UGT2A1: variants seen among roughly 807,000 people sequenced by gnomAD.
UGT2A1 encodes the protein UDP glucuronosyltransferase family 2 member A1 complex locus.
In UGT2A1, 61 loss-of-function variants were observed where a neutral mutation model predicts 45.4. That is an observed-to-expected ratio of 1.34 (90% confidence interval 1.09 to 1.66). UGT2A1 has a LOEUF of 1.66. Among genes scored for constraint, UGT2A1 ranks in the 40% most tolerant of loss-of-function variants. The pLI is 0.00. For synonymous variants in UGT2A1, 229 were observed against 196.2 expected, an observed-to-expected ratio of 1.17 and a Z score of -1.40; for missense variants, 649 against 574.3, an observed-to-expected ratio of 1.13 and a Z score of -1.33.
chr4:69,617,847 T>C (rs1247097403), intron 3 of UGT2A1, among the ~76,000 whole-genome samples: 1 of 151,880 alleles, frequency 6.6e-6, no homozygotes, highest in East Asian at 1.9e-4. Context: ...AGGGCAATAA[T>C]TGTCTTATGT....
chr4:69,636,635 T>C (rs1469366159), intron 2 of UGT2A1, among the ~76,000 whole-genome samples: 1 of 152,300 alleles, frequency 6.6e-6, no homozygotes, highest in East Asian at 1.9e-4. Flanking sequence ...GTTTAGTACA[T>C]ACCAGAAACC....
At position 69,606,575 on chromosome 4, in the gene UGT2A1, C is replaced by T. The variant is rs1273312467; in HGVS notation, c.848-7181G>A. On this transcript the variant is annotated intron_variant, in intron 3 of 6. Coordinates refer to ENST00000286604, the MANE Select transcript of UGT2A1 (RefSeq NM_001252275.3). ...ATAGTGTTGGAAGTTCTGGCCAGTG[C>T]AATCAGGCAGGAGAAGGAAATAAAG... Among the ~76,000 whole-genome samples the T allele has an allele frequency of 1.2e-4, 17 of 136,050 alleles. 3 individuals are homozygous for T. Among genetic ancestry groups the T allele is most frequent in the Admixed American group, 1.2e-3 (16 of 13,840 alleles). 89.3% of individuals were successfully genotyped at this position (136,050 alleles called of 152,430 possible).
At chr4:69,642,287 CGGT>C (rs1722080906) in intron 2 of UGT2A1, among the ~76,000 whole-genome samples, 1 of 151,506 alleles carries the variant, frequency 6.6e-6, no homozygotes, top group East Asian at 1.9e-4. Context: ...AATGTAATGC[CGGT>C]GGCTGTCATT....
intron 3 of UGT2A1, among the ~76,000 whole-genome samples, chr4:69,612,090 G>A (rs908674150): frequency 2.6e-5 from 4 of 152,030 alleles, no homozygotes; most frequent in African/African-American, 9.6e-5. Context: ...ACTGACACTA[G>A]CCTCAAAGCC....
chr4:69,603,876 A>T (rs1719448216), intron 3 of UGT2A1, among the ~76,000 whole-genome samples: 1 of 136,462 alleles, frequency 7.3e-6, no homozygotes, highest in East Asian at 2.1e-4. Flanking sequence ...AAAAAAGAAT[A>T]AAAAGAAACG....
intron 2 of UGT2A1, among the ~76,000 whole-genome samples, chr4:69,638,622 C>A (rs1278929049): frequency 1.3e-5 from 2 of 152,084 alleles, no homozygotes; most frequent in Non-Finnish European, 2.9e-5. Context: ...TGGGCACTTT[C>A]ATTTATATTT....
chr4:69,639,584 A>T, intron 2 of UGT2A1: 1 of 1,610,094 alleles, frequency 6.2e-7, no homozygotes, highest in East Asian at 2.2e-5. Flanking sequence ...GAGTCAAATT[A>T]AAAACCAGCA....
At chr4:69,620,894 A>C (rs1247111753) in intron 3 of UGT2A1, among the ~76,000 whole-genome samples, 1 of 152,032 alleles carries the variant, frequency 6.6e-6, no homozygotes, top group Non-Finnish European at 1.5e-5. Context: ...AAAACCAAGC[A>C]ATAAGAAAAG....
intron 5 of UGT2A1, 83 bp downstream of exon 5, chr4:69,595,079 T>C (rs1577944326): frequency 1.3e-6 from 2 of 1,501,310 alleles, no homozygotes; most frequent in East Asian, 2.4e-5. Context: ...TTATTAAAAA[T>C]GTATTGAATT....
intron 2 of UGT2A1, among the ~76,000 whole-genome samples, chr4:69,643,448 T>C (rs1000997726): frequency 1.3e-5 from 2 of 151,650 alleles, no homozygotes; most frequent in Non-Finnish European, 3.0e-5. Flanking sequence ...GTTTGATATT[T>C]CCAAGTCTCA....
chr4:69,614,050 A>C (rs1052068252), intron 3 of UGT2A1, among the ~76,000 whole-genome samples: 45 of 151,992 alleles, frequency 3.0e-4, no homozygotes, highest in African/African-American at 1.0e-3. Flanking sequence ...TCTTATTTAC[A>C]AAAAATATGA....
intron 3 of UGT2A1, among the ~76,000 whole-genome samples, chr4:69,609,801 C>CA (rs1176792722): frequency 1.3e-5 from 2 of 151,956 alleles, no homozygotes; most frequent in African/African-American, 2.4e-5. Flanking sequence ...CTGCATTCCA[C>CA]AAAAAAATTA....
chr4:69,589,535 A>C lies in UGT2A1; in HGVS notation c.1421T>G (p.Leu474Arg). The C allele has an allele frequency of 6.2e-7, 1 of 1,614,112 alleles. No homozygotes were observed. Among genetic ancestry groups the C allele is most frequent in the Non-Finnish European group, 8.5e-7 (1 of 1,179,984 alleles). Residue 474 changes from leucine to arginine, a missense_variant, in exon 7 of 7, where the codon CTT becomes CGT. By Grantham distance (102) the Leu-to-Arg change is moderately radical (BLOSUM62 -2). Coordinates refer to ENST00000286604, the MANE Select transcript of UGT2A1 (RefSeq NM_001252275.3). The part of the protein sequence containing the change: ...FVMRHKGAKH[L>R]RVAAHDLTWF... ...GGTGAGGTCATGGGCTGCAACCCGAAGGTGCTTGGCTCCTTTGTGGCGCAT... is the reference window on the plus strand; with the variant it reads ...GGTGAGGTCATGGGCTGCAACCCGACGGTGCTTGGCTCCTTTGTGGCGCAT...
rs749459190 is a variant in UGT2A1 at position 69,594,695 on chromosome 4, T to A, written c.1086A>T (p.Gly362=). ...FDWIPQNDLL[G]HPKTKAFITH... ...TGATAAAAGCTTTGGTTTTGGGATG[T>A]CCTAATTTGAGGATGGAGTGAGAAG... Residue 362 remains glycine, a splice_region_variant and synonymous_variant, in exon 6 of 7, where the codon GGA becomes GGT. Coordinates refer to ENST00000286604, the MANE Select transcript of UGT2A1 (RefSeq NM_001252275.3). The A allele has an allele frequency of 6.2e-7, 1 of 1,612,770 alleles. No individual in the cohort carries two copies. Among genetic ancestry groups the A allele is most frequent in the East Asian group, 2.2e-5 (1 of 44,812 alleles).
rs769687875 is a variant in UGT2A1 at position 69,589,654 on chromosome 4, A to G, written c.1305-3T>C. 12 of 1,592,324 alleles carry G rather than the reference A, an allele frequency of 7.5e-6. No homozygotes were observed. The Admixed American group carries it at 1.4e-4, about 19-fold the overall frequency. ...ACCTCATAGCATTCTCTTTATAACT[A>G]GAAGACAAATAAATAGGCAGAAATT... On this transcript the variant is annotated splice_region_variant and splice_polypyrimidine_tract_variant and intron_variant, in intron 6 of 6. Transcript: ENST00000286604.
chr4:69,600,858 G>A (rs1323624606), intron 3 of UGT2A1, among the ~76,000 whole-genome samples: 2 of 151,640 alleles, frequency 1.3e-5, no homozygotes, highest in African/African-American at 4.8e-5. Flanking sequence ...CACAAGAAGA[G>A]TACCAAGGGA....
At chr4:69,597,471 A>C (rs769338695) in intron 4 of UGT2A1, among the ~76,000 whole-genome samples, 2 of 152,174 alleles carry the variant, frequency 1.3e-5, no homozygotes, top group Non-Finnish European at 2.9e-5. Context: ...CATCATATCT[A>C]TATGAATGCT....
At chr4:69,623,787 G>C (rs909617772) in intron 3 of UGT2A1, among the ~76,000 whole-genome samples, 1 of 150,668 alleles carries the variant, frequency 6.6e-6, no homozygotes, top group African/African-American at 2.5e-5. Context: ...TGAGATAAAG[G>C]TAGAAAATTG....
rs551325310 is a variant in UGT2A1 at position 69,591,280 on chromosome 4, A to G, written c.1305-1629T>C. Among the ~76,000 whole-genome samples the G allele has an allele frequency of 3.3e-5, 5 of 152,294 alleles. No individual in the cohort carries two copies. The East Asian group carries it at 7.7e-4, about 23-fold the overall frequency. On this transcript the variant is annotated intron_variant, in intron 6 of 6. Coordinates refer to ENST00000286604, the MANE Select transcript of UGT2A1 (RefSeq NM_001252275.3). ...GCAGCTTGGTTTTTACATTTTAGGAAGGCATAAGACATTAATCAAATATGT... is the reference window on the plus strand; with the variant it reads ...GCAGCTTGGTTTTTACATTTTAGGAGGGCATAAGACATTAATCAAATATGT...
Sources: gnomAD v4.1 joint callset for allele counts (sites outside exome capture counted in the v4.1 genomes callset) on GRCh38, gnomAD v4.1.1 for gene constraint, MANE v1.5 for transcripts, NCBI Gene and HGNC (gene_info 2026-07-23, HGNC 2026-07-21) for gene names.